The following SYNE1 variants were observed in gnomAD, a reference collection of about 807,000 sequenced individuals.
SYNE1 encodes nesprin-1.
SYNE1 carries 616 observed loss-of-function variants against 1,111.0 expected under a neutral mutation model. That is an observed-to-expected ratio of 0.55 (90% CI 0.52 to 0.59). The LOEUF (loss-of-function observed/expected upper bound fraction) is 0.59, where lower values mean the gene tolerates loss of function less well. SYNE1 is among the 20% of genes least tolerant of loss of function. SYNE1 has a pLI of 0.00. For synonymous variants in SYNE1, 3,855 were observed against 3,825.8 expected (o/e 1.01, Z -0.28); for missense variants, 10,006 against 10,417.0 (o/e 0.96, Z 1.72).
At chr6:152,478,992 A>G (rs1185924240) in intron 14 of SYNE1, among the ~76,000 whole-genome samples, 1 of 152,200 alleles carries the variant, frequency 6.6e-6, no homozygotes, top group Admixed American at 6.5e-5. Context: ...GCACAAAAGG[A>G]GATGGTAAAG....
In SYNE1 at chr6:152,122,584, A is replaced by G; in HGVS notation, c.26246T>C (p.Leu8749Pro). The G allele has an allele frequency of 1.2e-6, 2 of 1,613,992 alleles. No homozygotes were observed. Among genetic ancestry groups the G allele is most frequent in the Non-Finnish European group, 1.7e-6 (2 of 1,179,884 alleles). Residue 8749 changes from leucine (L) to proline (P), a missense_variant, in exon 146 of 146, where the codon CTT becomes CCT. By Grantham distance (98) the Leu-to-Pro change is moderately conservative. This residue lies in a region of SYNE1 where 761 missense variants were observed against 795.5 expected (regional missense o/e 0.96). Transcript: ENST00000367255. ...GAGGAGCAGGAGAAGCTGAAGGGGA[A>G]GAGCTGCTCGGAGGACTCTGAACAG... ...GFLFRVLRAALPLQLLLLLLI... is the reference protein window; with the variant it reads ...GFLFRVLRAAPPLQLLLLLLI...
Position 152,347,069 on chromosome 6 carries a change from G to A in SYNE1, c.12068C>T (p.Thr4023Ile), listed in dbSNP as rs1339619934. 3.1e-6 allele frequency: 5 copies of A among 1,614,196 alleles called. No individual in the cohort carries two copies. The highest frequency in any genetic ancestry group is 1.7e-4 in the Middle Eastern group (1 of 6,044). Residue 4023 changes from threonine (T) to isoleucine (I), a missense_variant, in exon 73 of 146, where the codon ACA (threonine) becomes ATA (isoleucine). Transcript: ENST00000367255. ...TKDSYSAICSTAQRMYQSLEH... is the reference protein window; with the variant it reads ...TKDSYSAICSIAQRMYQSLEH... The stretch of plus-strand genomic sequence containing the variant: ...TCTGGGGGCACTCACCCTCTGAGCT[G>A]TGCTGCAGATCGCTGAGTAGCTGTC...
intron 65 of SYNE1, 83 bp from the exon 66 acceptor site, chr6:152,358,620 T>G: frequency 7.2e-7 from 1 of 1,395,378 alleles, no homozygotes; most frequent in Non-Finnish European, 1.0e-6. Context: ...TTTTGTAATT[T>G]TAGAAAAGTA....
intron 3 of SYNE1, among the ~76,000 whole-genome samples, chr6:152,601,864 G>C (rs1254400339): frequency 6.6e-6 from 1 of 152,138 alleles, no homozygotes; most frequent in Non-Finnish European, 1.5e-5. Flanking sequence ...TCAGAAGTAG[G>C]CTGTGTGTAA....
Position 152,131,329 on chromosome 6 carries a change from T to TA in SYNE1, c.26095-552dup, listed in dbSNP as rs34061887. On this transcript the variant is annotated intron_variant, in intron 144 of 145. Coordinates refer to ENST00000367255, the MANE Select transcript of SYNE1 (RefSeq NM_182961.4). Reference sequence around the variant, plus strand: ...ATCTATAGGAAACTAGTGAATGTAGTAAAAAAAAAAAAAAAATCCTAAAAA... The same window carrying TA: ...ATCTATAGGAAACTAGTGAATGTAGTAAAAAAAAAAAAAAAAATCCTAAAAA... 1.2e-3 allele frequency among the ~76,000 whole-genome samples: 175 copies of TA among 141,864 alleles called. 3 individuals are homozygous for TA. The highest frequency in any genetic ancestry group is 4.9e-3 in the South Asian group (22 of 4,516). The allele number at this position is 141,864 out of a possible 152,430, so 93.1% of individuals were successfully genotyped here. A position where few individuals can be genotyped will look rare whatever the true frequency, so the allele number is the denominator to read the frequency against.
In SYNE1 at chr6:152,515,229, A is replaced by G. The variant is rs192093182; in HGVS notation, c.310-4126T>C. On this transcript the variant is annotated intron_variant, in intron 6 of 145. Transcript: ENST00000367255. Reference sequence around the variant, plus strand: ...AAAGCAAGAGTCTGTCTCAAAAAAAAAAAAGAAAAGAAAAGAAAAAAAGTA... The same window carrying G: ...AAAGCAAGAGTCTGTCTCAAAAAAAGAAAAGAAAAGAAAAGAAAAAAAGTA... Among the ~76,000 whole-genome samples the G allele has an allele frequency of 2.9e-3, 444 of 152,122 alleles. 2 individuals carry two copies. The highest frequency in any genetic ancestry group is 4.4e-3 in the African/African-American group (181 of 41,534).
intron 40 of SYNE1, among the ~76,000 whole-genome samples, chr6:152,417,459 C>A (rs1592271129): frequency 6.6e-6 from 1 of 152,218 alleles, no homozygotes; most frequent in Non-Finnish European, 1.5e-5. Context: ...GATTGCACCA[C>A]TGCACTCCAG....
chr6:152,483,031 T>G (rs1237387033), intron 14 of SYNE1, 54 bp downstream of exon 14: 1 of 1,609,064 alleles, frequency 6.2e-7, no homozygotes, highest in Non-Finnish European at 8.5e-7. Flanking sequence ...AGGCTACCTC[T>G]CCAGACCACA....
At chr6:152,213,192 C>T (rs1214607667) in intron 123 of SYNE1, among the ~76,000 whole-genome samples, 8 of 152,162 alleles carry the variant, frequency 5.3e-5, no homozygotes, top group South Asian at 2.1e-4. Flanking sequence ...AATTCATATA[C>T]GCTCTTTGAA....
intron 3 of SYNE1, among the ~76,000 whole-genome samples, chr6:152,627,470 T>C (rs1370142249): frequency 7.2e-6 from 1 of 139,306 alleles, no homozygotes; most frequent in Non-Finnish European, 1.5e-5. Context: ...CGGGTCAACA[T>C]GGTGAAACCA....
chr6:152,426,681 A>G (rs1395167220), intron 38 of SYNE1, among the ~76,000 whole-genome samples: 1 of 152,250 alleles, frequency 6.6e-6, no homozygotes, highest in Non-Finnish European at 1.5e-5. Flanking sequence ...CAGGAACCAG[A>G]TTGTAGATCA....
intron 105 of SYNE1, among the ~76,000 whole-genome samples, chr6:152,248,261 G>A (rs1040826313): frequency 2.6e-5 from 4 of 152,152 alleles, no homozygotes; most frequent in African/African-American, 9.7e-5. Flanking sequence ...ACACCCAAGA[G>A]TGTGCAAGAT....
chr6:152,202,893 T>C (rs2075801185), intron 126 of SYNE1, among the ~76,000 whole-genome samples: 1 of 152,204 alleles, frequency 6.6e-6, no homozygotes, highest in South Asian at 2.1e-4. Context: ...AAGGATTAAA[T>C]GTGTAATATA....
chr6:152,156,762 A>C (rs1327616698), intron 131 of SYNE1, among the ~76,000 whole-genome samples: 2 of 151,952 alleles, frequency 1.3e-5, no homozygotes, highest in East Asian at 3.9e-4. Context: ...AACCGTAGAT[A>C]CCAAGGGCCT....
At chr6:152,398,023 G>A (rs1042322651) in intron 49 of SYNE1, among the ~76,000 whole-genome samples, 2 of 151,596 alleles carry the variant, frequency 1.3e-5, no homozygotes, top group Admixed American at 1.3e-4. Context: ...AAAGAAAAAG[G>A]TTACTTTTTA....
At chr6:152,215,577 C>A (rs2078438216) in intron 121 of SYNE1, among the ~76,000 whole-genome samples, 1 of 152,092 alleles carries the variant, frequency 6.6e-6, no homozygotes, top group African/African-American at 2.4e-5. Context: ...TTACTTCTTA[C>A]CATTTACGTT....
intron 145 of SYNE1, chr6:152,129,712 T>A (rs2054841739): frequency 6.6e-6 from 1 of 152,072 alleles, no homozygotes; most frequent in African/African-American, 2.4e-5. Flanking sequence ...AAATAGCCAG[T>A]CCCTTATGTA....
At chr6:152,249,043 T>C (rs2088306285) in intron 105 of SYNE1, 118 bp downstream of exon 105, 5 of 751,232 alleles carry the variant, frequency 6.7e-6, no homozygotes, top group Middle Eastern at 2.8e-4. Context: ...AAAACAAAAA[T>C]ACTACAAACA....
intron 3 of SYNE1, among the ~76,000 whole-genome samples, chr6:152,620,552 A>G (rs1254633116): frequency 6.6e-6 from 1 of 152,096 alleles, no homozygotes; most frequent in African/African-American, 2.4e-5. Flanking sequence ...GTTTTTCTTT[A>G]TTTCAAAACT....
Sources: allele counts gnomAD v4.1 joint callset (sites outside exome capture counted in the v4.1 genomes callset), GRCh38; gene constraint gnomAD v4.1.1; regional missense constraint gnomAD v4.1.1; transcripts MANE v1.5; gene names NCBI Gene and HGNC (gene_info 2026-07-23, HGNC 2026-07-21).